The following FAM133B variants were observed in gnomAD, a reference collection of about 807,000 sequenced individuals.
The protein encoded by FAM133B is family with sequence similarity 133 member B, also known as protein FAM133B.
Under a neutral mutation model 46.4 loss-of-function variants are expected in FAM133B, and 25 were observed. The ratio of observed to expected loss-of-function variants is 0.54; its 90% confidence interval spans 0.39 to 0.75. FAM133B has a LOEUF of 0.75. FAM133B is among the 30% of genes least tolerant of loss of function. FAM133B has a pLI of 0.00. For missense variants in FAM133B, 205 were observed against 277.6 expected, an observed-to-expected ratio of 0.74 and a Z score of 1.86; for synonymous variants, 75 against 86.0, an observed-to-expected ratio of 0.87 and a Z score of 0.71.
At chr7:92,564,596 C>T (rs957766306) in intron 10 of FAM133B, among the ~76,000 whole-genome samples, 1 of 152,190 alleles carries the variant, frequency 6.6e-6, no homozygotes. Context: ...ATTTCTGAAT[C>T]ATTACTAGGG....
chr7:92,590,163 G>T, intron 1 of FAM133B, 105 bp downstream of exon 1: 1 of 1,577,828 alleles, frequency 6.3e-7, no homozygotes, highest in Non-Finnish European at 8.7e-7. Context: ...CCCCACGTCT[G>T]AGGGCTGCCG....
At chr7:92,589,825 C>T (rs866719189) in intron 1 of FAM133B, 70 of 166,908 alleles carry the variant, frequency 4.2e-4, no homozygotes, top group Admixed American at 1.5e-3. Context: ...TCTGTGCCTC[C>T]CTCCCACTTG....
intron 1 of FAM133B, among the ~76,000 whole-genome samples, chr7:92,586,079 G>T (rs1795029476): frequency 6.6e-6 from 1 of 152,084 alleles, no homozygotes; most frequent in African/African-American, 2.4e-5. Flanking sequence ...CTTTCATAAA[G>T]TACATACCAA....
intron 8 of FAM133B, among the ~76,000 whole-genome samples, chr7:92,573,168 T>C (rs1409944236): frequency 1.4e-5 from 2 of 146,988 alleles, no homozygotes; most frequent in African/African-American, 5.3e-5. Flanking sequence ...GGGGACTTTT[T>C]TTTTTTTTTT....
chr7:92,590,219 T>C (rs747360420), intron 1 of FAM133B, 49 bp downstream of exon 1: 4 of 1,613,364 alleles, frequency 2.5e-6, no homozygotes, highest in Non-Finnish European at 2.5e-6. Context: ...CTCGCTGTCC[T>C]GCCGCCGGGC....
Position 92,577,920 on chromosome 7 carries a change from A to C in FAM133B, c.310-203T>G. On this transcript the variant is annotated intron_variant, in intron 5 of 10. Transcript: ENST00000445716. ...GTTAACATATGTGGCCATGGTCACC[A>C]ATCTTTCTCTTTAAATAGCAACAGA... 9.2e-6 allele frequency: 6 copies of C among 649,938 alleles called. No homozygotes were observed. In the South Asian group the frequency reaches 1.1e-4, roughly 12 times the overall value. 40.3% of individuals were successfully genotyped at this position (649,938 alleles called of 1,614,324 possible). A position where few individuals can be genotyped will look rare whatever the true frequency, so the allele number is the denominator to read the frequency against.
At chr7:92,575,151 T>A (rs1794656603) in intron 8 of FAM133B, among the ~76,000 whole-genome samples, 1 of 152,196 alleles carries the variant, frequency 6.6e-6, no homozygotes, top group African/African-American at 2.4e-5. Context: ...GTATATTCAA[T>A]TTGAAAGAGA....
intron 1 of FAM133B, among the ~76,000 whole-genome samples, chr7:92,586,027 G>A (rs1385214468): frequency 6.6e-6 from 1 of 152,112 alleles, no homozygotes; most frequent in Non-Finnish European, 1.5e-5. Context: ...TATCTTTAAA[G>A]TACATTAATA....
At chr7:92,582,799 A>G (rs1367749570) in intron 1 of FAM133B, among the ~76,000 whole-genome samples, 1 of 152,226 alleles carries the variant, frequency 6.6e-6, no homozygotes, top group African/African-American at 2.4e-5. Context: ...GCCATTCTAT[A>G]CCCATTAGGA....
Position 92,568,474 on chromosome 7 carries a change from C to G in FAM133B, c.609+1349G>C, listed in dbSNP as rs188753838. Among the ~76,000 whole-genome samples, 6 of 151,834 alleles carry G rather than the reference C, an allele frequency of 4.0e-5. No homozygotes were observed. In the East Asian group the frequency reaches 9.7e-4, roughly 25 times the overall value. On this transcript the variant is annotated intron_variant, in intron 9 of 10. Coordinates refer to ENST00000445716, the MANE Select transcript of FAM133B (RefSeq NM_152789.4). Reference sequence around the variant, plus strand: ...CCGGGTTCAAGTGATTCTCCTGCCTCAGCCTCCCGAGTAGCTGGGATTACA... The same window carrying G: ...CCGGGTTCAAGTGATTCTCCTGCCTGAGCCTCCCGAGTAGCTGGGATTACA...
At chr7:92,585,592 T>A (rs1795016279) in intron 1 of FAM133B, among the ~76,000 whole-genome samples, 1 of 152,178 alleles carries the variant, frequency 6.6e-6, no homozygotes, top group Non-Finnish European at 1.5e-5. Context: ...GCTACTAAAA[T>A]GAATGAAGTA....
At chr7:92,589,185 C>G (rs1562900571) in intron 1 of FAM133B, among the ~76,000 whole-genome samples, 1 of 152,180 alleles carries the variant, frequency 6.6e-6, no homozygotes, top group Admixed American at 6.5e-5. Context: ...GTGGCTAAAA[C>G]TTTGTCACAG....
intron 9 of FAM133B, 38 bp downstream of exon 9, chr7:92,569,785 T>C (rs1794474256): frequency 9.4e-7 from 1 of 1,066,570 alleles, no homozygotes; most frequent in Non-Finnish European, 1.3e-6. Context: ...TAACTAAGCA[T>C]TTTAAAATAG....
chr7:92,568,110 A>G (rs998587677), intron 9 of FAM133B, among the ~76,000 whole-genome samples: 14 of 152,070 alleles, frequency 9.2e-5, no homozygotes, highest in Middle Eastern at 3.4e-3. Context: ...TTTTAAAGAG[A>G]TAGGGTTTCG....
chr7:92,575,913 T>C (rs925508513), intron 7 of FAM133B, 92 bp from the exon 8 acceptor site: 5 of 523,320 alleles, frequency 9.6e-6, no homozygotes, highest in African/African-American at 7.8e-5. Context: ...ATTTGCTCTA[T>C]GACTGAAAAA....
chr7:92,564,303 C>T (rs542905675), intron 10 of FAM133B, among the ~76,000 whole-genome samples: 1 of 152,272 alleles, frequency 6.6e-6, no homozygotes, highest in South Asian at 2.1e-4. Context: ...TTCATGAGCC[C>T]GTCCCCACAG....
intron 8 of FAM133B, 37 bp from the exon 9 acceptor site, chr7:92,569,952 T>C: frequency 1.1e-6 from 1 of 950,874 alleles, no homozygotes; most frequent in Non-Finnish European, 1.5e-6. Context: ...GACTCAGACA[T>C]ACTTTGTCAC....
chr7:92,577,334 A>T (rs1179367121), intron 6 of FAM133B, 139 bp from the exon 7 acceptor site: 1 of 510,246 alleles, frequency 2.0e-6, no homozygotes, highest in Non-Finnish European at 3.3e-6. Flanking sequence ...TACTTAATAC[A>T]TCACTTTCCT....
At chr7:92,582,893 A>G (rs940800374) in intron 1 of FAM133B, among the ~76,000 whole-genome samples, 1 of 152,214 alleles carries the variant, frequency 6.6e-6, no homozygotes, top group Admixed American at 6.5e-5. Flanking sequence ...TGGGAATGTA[A>G]AACGGTGTGG....
Sources: gnomAD v4.1 joint callset for allele counts (sites outside exome capture counted in the v4.1 genomes callset) on GRCh38, gnomAD v4.1.1 for gene constraint, MANE v1.5 for transcripts, NCBI Gene and HGNC (gene_info 2026-07-23, HGNC 2026-07-21) for gene names.